ACOXL: variants seen among roughly 807,000 people sequenced by gnomAD.
ACOXL encodes the protein acyl-coenzyme A oxidase-like protein.
In ACOXL, 70 loss-of-function variants were observed where a neutral mutation model predicts 71.9. That is an observed-to-expected ratio of 0.97 (90% CI 0.80 to 1.19). The LOEUF is 1.19. ACOXL is among the 50% of genes most tolerant of loss of function. The pLI, the probability that ACOXL is intolerant of heterozygous loss-of-function variation, is 0.00. For synonymous variants in ACOXL, 253 were observed against 281.6 expected, an observed-to-expected ratio of 0.90 and a Z score of 1.02; for missense variants, 703 against 736.3, an observed-to-expected ratio of 0.95 and a Z score of 0.52.
At chr2:111,101,876 A>C (rs531908052) in intron 17 of ACOXL, 1 of 152,754 alleles carries the variant, frequency 6.5e-6, no homozygotes, top group African/African-American at 2.4e-5. Flanking sequence ...TTGAAATGAC[A>C]TTGAAATGGA....
chr2:110,850,620 CA>C (rs1274831206), intron 10 of ACOXL, among the ~76,000 whole-genome samples: 3 of 152,108 alleles, frequency 2.0e-5, no homozygotes, highest in African/African-American at 7.2e-5. Context: ...TGACCCTCAT[CA>C]AAACTTCCCA....
chr2:110,751,275 T>A (rs1055337092), intron 1 of ACOXL, among the ~76,000 whole-genome samples: 1 of 126,850 alleles, frequency 7.9e-6, no homozygotes, highest in Admixed American at 1.1e-4. Context: ...CACTCCAGCC[T>A]GGGCGAGAGC....
chr2:110,910,012 T>C (rs539103321), intron 11 of ACOXL, among the ~76,000 whole-genome samples: 2 of 152,124 alleles, frequency 1.3e-5, no homozygotes, highest in African/African-American at 4.8e-5. Flanking sequence ...TACAGTGAAA[T>C]GCATAGATTT....
intron 1 of ACOXL, among the ~76,000 whole-genome samples, chr2:110,750,007 G>T (rs1678715680): frequency 6.6e-6 from 1 of 152,164 alleles, no homozygotes; most frequent in Non-Finnish European, 1.5e-5. Context: ...TATGGGTGTT[G>T]GGAAGAATAT....
chr2:110,778,167 C>G (rs1193548581), intron 2 of ACOXL, among the ~76,000 whole-genome samples: 1 of 152,172 alleles, frequency 6.6e-6, no homozygotes, highest in Non-Finnish European at 1.5e-5. Flanking sequence ...CAACTTGGCT[C>G]TTACTAGTTT....
intron 1 of ACOXL, among the ~76,000 whole-genome samples, chr2:110,749,803 C>T (rs1448770004): frequency 1.3e-5 from 2 of 152,230 alleles, no homozygotes; most frequent in Non-Finnish European, 2.9e-5. Flanking sequence ...TGGTCGATTT[C>T]TGCTCCAGGG....
intron 11 of ACOXL, among the ~76,000 whole-genome samples, chr2:110,933,099 T>A (rs2060535577): frequency 6.6e-6 from 1 of 152,238 alleles, no homozygotes; most frequent in African/African-American, 2.4e-5. Context: ...AAGCATCTAG[T>A]TGAATCTTGA....
In ACOXL at chr2:111,118,249, A is replaced by G. The variant is rs934744517; in HGVS notation, c.*433A>G. 1.6e-5 allele frequency: 3 copies of G among 192,788 alleles called. No individual in the cohort carries two copies. Among genetic ancestry groups the G allele is most frequent in the African/African-American group, 4.7e-5 (2 of 42,154 alleles). 11.9% of individuals were successfully genotyped at this position (192,788 alleles called of 1,614,324 possible). A position where few individuals can be genotyped will look rare whatever the true frequency, so the allele number is the denominator to read the frequency against. ...AAAAAAAAAAAGCAAACACCCTTAG[A>G]CAAAAGAAAAAAGCTCCACTCTTTC... is the stretch of plus-strand genomic sequence containing the variant. On this transcript the variant is annotated 3_prime_UTR_variant, in exon 18 of 18. Transcript: ENST00000439055.
chr2:110,746,725 G>T (rs1387063328), intron 1 of ACOXL, among the ~76,000 whole-genome samples: 1 of 152,150 alleles, frequency 6.6e-6, no homozygotes, highest in Non-Finnish European at 1.5e-5. Context: ...AATTGACTTA[G>T]GTCAGCGAAC....
intron 10 of ACOXL, among the ~76,000 whole-genome samples, chr2:110,890,221 T>G (rs1297987414): frequency 6.6e-6 from 1 of 152,216 alleles, no homozygotes; most frequent in East Asian, 1.9e-4. Context: ...TGATGAGAGA[T>G]ATGATTTGCA....
intron 1 of ACOXL, among the ~76,000 whole-genome samples, chr2:110,745,363 A>G (rs1411873358): frequency 6.6e-6 from 1 of 152,208 alleles, no homozygotes; most frequent in Non-Finnish European, 1.5e-5. Context: ...TGCAGTGGTC[A>G]CTGGGGCCAG....
rs558029780 is a variant in ACOXL, at chr2:110,853,004, G to A, written c.788+11599G>A. Among the ~76,000 whole-genome samples the A allele has an allele frequency of 7.2e-5, 11 of 152,278 alleles. 1 individual carries two copies. Among genetic ancestry groups the A allele is most frequent in the Admixed American group, 1.3e-4 (2 of 15,302 alleles). ...TTTATACACTCACATGTCAGCAGCC[G>A]TGGGTCCATACAATGTTCCTCCTCC... is the stretch of plus-strand genomic sequence containing the variant. On this transcript the variant is annotated intron_variant, in intron 10 of 17. Transcript: ENST00000439055.
intron 9 of ACOXL, among the ~76,000 whole-genome samples, chr2:110,839,202 A>G (rs552034218): frequency 4.6e-5 from 7 of 152,026 alleles, no homozygotes; most frequent in African/African-American, 1.7e-4. Flanking sequence ...TTATCTTTCA[A>G]CTGTGGAAAA....
At chr2:110,748,898 A>C (rs1678576001) in intron 1 of ACOXL, among the ~76,000 whole-genome samples, 1 of 152,244 alleles carries the variant, frequency 6.6e-6, no homozygotes, top group African/African-American at 2.4e-5. Context: ...CAACAAGAAG[A>C]GAATGCTGTA....
chr2:110,914,421 GA>G (rs1369932115), intron 11 of ACOXL, among the ~76,000 whole-genome samples: 4 of 152,128 alleles, frequency 2.6e-5, no homozygotes, highest in African/African-American at 9.7e-5. Context: ...TTACAGTGTA[GA>G]AATCTTGCAC....
chr2:111,074,164 TG>T (rs2067482937), intron 16 of ACOXL, among the ~76,000 whole-genome samples: 2 of 149,774 alleles, frequency 1.3e-5, no homozygotes, highest in Admixed American at 1.3e-4. Flanking sequence ...TACTGTGTGT[TG>T]TTTTTTTTTT....
chr2:110,924,863 T>C (rs2060214967), intron 11 of ACOXL, among the ~76,000 whole-genome samples: 1 of 151,512 alleles, frequency 6.6e-6, no homozygotes, highest in Admixed American at 6.6e-5. Flanking sequence ...GAGGAATCAC[T>C]GTCTATGACA....
intron 16 of ACOXL, among the ~76,000 whole-genome samples, chr2:111,075,043 GT>G (rs1227835128): frequency 6.6e-6 from 1 of 152,212 alleles, no homozygotes; most frequent in Admixed American, 6.5e-5. Flanking sequence ...TGGTCTGTAG[GT>G]TTTTTTCTTC....
chr2:111,085,906 A>G (rs2068183252), intron 16 of ACOXL, among the ~76,000 whole-genome samples: 1 of 152,236 alleles, frequency 6.6e-6, no homozygotes, highest in Non-Finnish European at 1.5e-5. Flanking sequence ...CCACAGAAAT[A>G]CAAATAACCA....
Sources: gnomAD v4.1 joint callset for allele counts (sites outside exome capture counted in the v4.1 genomes callset) on GRCh38, gnomAD v4.1.1 for gene constraint, MANE v1.5 for transcripts, NCBI Gene and HGNC (gene_info 2026-07-23, HGNC 2026-07-21) for gene names.